MBOAT2: variants seen among roughly 807,000 people sequenced by gnomAD.
The protein encoded by MBOAT2 is membrane bound glycerophospholipid O-acyltransferase 2, also known as membrane-bound glycerophospholipid O-acyltransferase 2.
Under a neutral mutation model 63.4 loss-of-function variants are expected in MBOAT2, and 28 were observed. The ratio of observed to expected loss-of-function variants is 0.44; its 90% CI spans 0.33 to 0.61. The LOEUF is 0.61. MBOAT2 is among the 20% of genes least tolerant of loss of function. The pLI is 0.03. For missense variants in MBOAT2, 470 were observed against 605.8 expected, an observed-to-expected ratio of 0.78 and a Z score of 2.35; for synonymous variants, 211 against 215.6, an observed-to-expected ratio of 0.98 and a Z score of 0.19.
chr2:8,910,428 C>T (rs1665635211), intron 3 of MBOAT2, among the ~76,000 whole-genome samples: 1 of 152,196 alleles, frequency 6.6e-6, no homozygotes, highest in African/African-American at 2.4e-5. Context: ...CCTTCCTGAA[C>T]TGCTTATCCA....
At chr2:8,905,248 TGTA>T (rs2148582956) in intron 4 of MBOAT2, among the ~76,000 whole-genome samples, 1 of 152,310 alleles carries the variant, frequency 6.6e-6, no homozygotes, top group South Asian at 2.1e-4. Context: ...TTTCTGCTCA[TGTA>T]TTATAACACA....
intron 1 of MBOAT2, among the ~76,000 whole-genome samples, chr2:8,969,661 AG>A (rs1462919069): frequency 6.6e-6 from 1 of 152,222 alleles, no homozygotes; most frequent in Non-Finnish European, 1.5e-5. Context: ...CTCAAAATAA[AG>A]GGATGGAGGA....
intron 1 of MBOAT2, among the ~76,000 whole-genome samples, chr2:8,987,870 TG>T (rs1671675760): frequency 6.6e-6 from 1 of 152,218 alleles, no homozygotes; most frequent in East Asian, 1.9e-4. Context: ...TGAAGGGTAA[TG>T]GGTGATTTTT....
At chr2:8,919,872 A>AC (rs768982614) in intron 3 of MBOAT2, among the ~76,000 whole-genome samples, 2 of 152,012 alleles carry the variant, frequency 1.3e-5, no homozygotes, top group Non-Finnish European at 2.9e-5. Flanking sequence ...TCCCTGCCTT[A>AC]GCCTCCCAAG....
intron 5 of MBOAT2, among the ~76,000 whole-genome samples, chr2:8,885,515 TTC>T (rs1319364146): frequency 6.6e-6 from 1 of 152,138 alleles, no homozygotes; most frequent in African/African-American, 2.4e-5. Flanking sequence ...TGTACAAACA[TTC>T]TGTTAGGTTC....
intron 3 of MBOAT2, among the ~76,000 whole-genome samples, chr2:8,911,710 G>A (rs926600806): frequency 3.9e-5 from 6 of 152,102 alleles, no homozygotes; most frequent in Non-Finnish European, 8.8e-5. Context: ...TGGCCACGTG[G>A]TCTCTGCACA....
chr2:8,927,618 T>C (rs776845168), intron 3 of MBOAT2, among the ~76,000 whole-genome samples: 35 of 152,038 alleles, frequency 2.3e-4, no homozygotes, highest in Non-Finnish European at 3.5e-4. Context: ...GGAGTGCCGA[T>C]GAGGCAAGGG....
At chr2:8,951,186 T>G (rs1444782026) in intron 2 of MBOAT2, among the ~76,000 whole-genome samples, 1 of 151,364 alleles carries the variant, frequency 6.6e-6, no homozygotes. Context: ...TGTAATACTT[T>G]CAGTAGAATA....
intron 12 of MBOAT2, 24 bp downstream of exon 12, chr2:8,860,589 C>G: frequency 6.2e-7 from 1 of 1,603,356 alleles, no homozygotes; most frequent in Non-Finnish European, 8.5e-7. Flanking sequence ...TTCCCACTGA[C>G]AAAGTTTTAA....
At chr2:8,917,623 T>C (rs1034890138) in intron 3 of MBOAT2, among the ~76,000 whole-genome samples, 5 of 152,210 alleles carry the variant, frequency 3.3e-5, no homozygotes, top group Non-Finnish European at 7.3e-5. Context: ...GGCGCTCGCA[T>C]ACACTGCCAG....
intron 1 of MBOAT2, among the ~76,000 whole-genome samples, chr2:8,999,987 A>C (rs1012966506): frequency 6.6e-6 from 1 of 152,232 alleles, no homozygotes; most frequent in African/African-American, 2.4e-5. Context: ...GCCTCAGCCT[A>C]ACCACAAAAC....
Position 8,858,839 on chromosome 2 carries a change from G to T in MBOAT2, c.1403C>A (p.Thr468Asn), listed in dbSNP as rs1558541331. The T allele has an allele frequency of 1.9e-6, 3 of 1,613,542 alleles. No homozygotes were observed. In the South Asian group the frequency reaches 3.3e-5, roughly 18 times the overall value. ...TTCATGTGTATTCTTTCTTCTTTGA[G>T]TTTTTTTCACTGGCAACAACAATAA... is the stretch of plus-strand genomic sequence containing the variant. ...LVLLLLPVKK[T>N]QRRKNTHENI... The change falls in exon 13 of 13, where the codon ACT becomes AAT. Residue 468 changes from threonine to asparagine, a missense_variant. Physicochemically the swap from Thr to Asn is moderately conservative, Grantham distance 65. This residue lies in a region of MBOAT2 where 90 missense variants were observed against 84.9 expected (regional missense o/e 1.06). Transcript: ENST00000305997.
chr2:8,932,402 G>A (rs1667383468), intron 3 of MBOAT2, among the ~76,000 whole-genome samples: 2 of 152,070 alleles, frequency 1.3e-5, no homozygotes, highest in Non-Finnish European at 2.9e-5. Flanking sequence ...ACATCCTGAT[G>A]AAGAAGACAG....
At position 8,971,889 on chromosome 2, in the gene MBOAT2, C is replaced by G. The variant is rs1183008915; in HGVS notation, c.76-13247G>C. On this transcript the variant is annotated intron_variant, in intron 1 of 12. Transcript: ENST00000305997. ...AAGAGGATACCAACAAATGGAAGAA[C>G]ATTCCATGCTCATGGGTAGGAAGAA... Among the ~76,000 whole-genome samples the G allele has an allele frequency of 2.0e-5, 3 of 152,186 alleles. No individual in the cohort carries two copies. The East Asian group carries it at 5.8e-4, about 29-fold the overall frequency.
At chr2:8,997,280 C>T (rs937913660) in intron 1 of MBOAT2, among the ~76,000 whole-genome samples, 1 of 152,020 alleles carries the variant, frequency 6.6e-6, no homozygotes, top group Non-Finnish European at 1.5e-5. Context: ...GTTTTTATTT[C>T]CCTGGAAAGT....
intron 4 of MBOAT2, among the ~76,000 whole-genome samples, chr2:8,888,664 C>T (rs1249571114): frequency 6.6e-6 from 1 of 152,152 alleles, no homozygotes; most frequent in Non-Finnish European, 1.5e-5. Context: ...GGAAAAAACA[C>T]ATCCACATAA....
chr2:8,933,592 C>A (rs535583145), intron 3 of MBOAT2, among the ~76,000 whole-genome samples: 1 of 152,252 alleles, frequency 6.6e-6, no homozygotes, highest in East Asian at 1.9e-4. Flanking sequence ...TCCTCCCACC[C>A]CAGCCTCCCA....
chr2:8,996,530 C>T (rs958993600), intron 1 of MBOAT2, among the ~76,000 whole-genome samples: 6 of 152,162 alleles, frequency 3.9e-5, no homozygotes, highest in Non-Finnish European at 5.9e-5. Flanking sequence ...ATGGGAGAAG[C>T]GAGAGGCAGG....
In MBOAT2 at chr2:8,854,993, A is replaced by C. The variant is rs998312607; in HGVS notation, c.*3686T>G. 2 of 152,360 alleles carry C rather than the reference A, an allele frequency of 1.3e-5. No homozygotes were observed. The highest frequency in any genetic ancestry group is 1.9e-4 in the East Asian group (1 of 5,192). The allele number at this position is 152,360 out of a possible 1,614,324, so 9.4% of individuals were successfully genotyped here. On this transcript the variant is annotated 3_prime_UTR_variant, in exon 13 of 13. Coordinates refer to ENST00000305997, the MANE Select transcript of MBOAT2 (RefSeq NM_138799.4). ...GCACAGAAACCAACAAAGCAGAGAG[A>C]GCAAAAGGAAAACATGTTTTCTTCA... is the stretch of plus-strand genomic sequence containing the variant.
Sources: gnomAD v4.1 joint callset for allele counts (sites outside exome capture counted in the v4.1 genomes callset) on GRCh38, gnomAD v4.1.1 for gene constraint, gnomAD v4.1.1 regional missense constraint, MANE v1.5 for transcripts, NCBI Gene and HGNC (gene_info 2026-07-23, HGNC 2026-07-21) for gene names.